Variants in AFG3L2 observed in about 807,000 individuals in gnomAD.
The protein encoded by AFG3L2 is mitochondrial inner membrane m-AAA protease component AFG3L2.
In AFG3L2, 54 loss-of-function variants were observed where a neutral mutation model predicts 94.5. The ratio of observed to expected loss-of-function variants is 0.57; its 90% confidence interval spans 0.46 to 0.72. AFG3L2 has a LOEUF of 0.72. Ranked by LOEUF, AFG3L2 falls within the 30% of genes least tolerant of loss-of-function variation. The probability of loss-of-function intolerance (pLI) is 0.00; values close to 1 mark genes in which losing one functional copy is unlikely to be tolerated. For synonymous variants in AFG3L2, 377 were observed against 365.5 expected (o/e 1.03, Z -0.36); for missense variants, 754 against 994.9 (o/e 0.76, Z 3.26).
chr18:12,334,329 G>A (rs1448638344), intron 16 of AFG3L2, among the ~76,000 whole-genome samples: 2 of 152,190 alleles, frequency 1.3e-5, no homozygotes, highest in East Asian at 3.9e-4. Flanking sequence ...TGAGTCGTGT[G>A]AGTACAGACA....
chr18:12,333,291 TATAA>T (rs1393824389), intron 16 of AFG3L2, among the ~76,000 whole-genome samples: 1 of 130,620 alleles, frequency 7.7e-6, no homozygotes, highest in South Asian at 2.2e-4. Flanking sequence ...ATATATAATA[TATAA>T]ATATATATTA....
intron 9 of AFG3L2, among the ~76,000 whole-genome samples, chr18:12,355,673 ATT>A (rs71369929): frequency 2.7e-5 from 4 of 145,466 alleles, no homozygotes; most frequent in South Asian, 2.2e-4. Context: ...CGATTTACAT[ATT>A]TTTTTTTTTT....
intron 3 of AFG3L2, among the ~76,000 whole-genome samples, chr18:12,368,423 C>T (rs1203145653): frequency 6.6e-6 from 1 of 152,164 alleles, no homozygotes; most frequent in East Asian, 1.9e-4. Context: ...ACAAAGTATA[C>T]ATTGTTAACA....
intron 16 of AFG3L2, chr18:12,337,137 C>G (rs974694892): frequency 2.7e-5 from 17 of 630,756 alleles, no homozygotes; most frequent in Admixed American, 5.1e-5. Context: ...GCCACAGGAG[C>G]CGGGACAGTG....
At chr18:12,336,541 A>G (rs1907748347) in intron 16 of AFG3L2, among the ~76,000 whole-genome samples, 2 of 151,506 alleles carry the variant, frequency 1.3e-5, no homozygotes, top group African/African-American at 4.9e-5. Context: ...TAATAATAAA[A>G]CTCCAGGCTG....
At position 12,373,501 on chromosome 18, in the gene AFG3L2, C is replaced by A. The variant is rs181794621; in HGVS notation, c.115-1810G>T. ...AAACAAAAGCTCTGAGTACAGGGAACAGGAGTGGTGCAGAGGTAATATGAA... is the reference window on the plus strand; with the variant it reads ...AAACAAAAGCTCTGAGTACAGGGAAAAGGAGTGGTGCAGAGGTAATATGAA... On this transcript the variant is annotated intron_variant, in intron 1 of 16. Transcript: ENST00000269143. Among the ~76,000 whole-genome samples, 238 of 152,284 alleles carry A rather than the reference C, an allele frequency of 1.6e-3. 1 individual carries two copies. The highest frequency in any genetic ancestry group is 2.4e-3 in the Non-Finnish European group (166 of 68,024).
At chr18:12,347,698 G>A (rs1398759155) in intron 13 of AFG3L2, among the ~76,000 whole-genome samples, 4 of 151,852 alleles carry the variant, frequency 2.6e-5, no homozygotes, top group East Asian at 1.9e-4. Flanking sequence ...CTTCAAGTAC[G>A]AGCCACCATG....
intron 5 of AFG3L2, among the ~76,000 whole-genome samples, chr18:12,364,890 G>C (rs977150203): frequency 6.6e-6 from 1 of 151,746 alleles, no homozygotes; most frequent in Non-Finnish European, 1.5e-5. Flanking sequence ...GGCTGGTCTC[G>C]AACTCCTAGA....
intron 16 of AFG3L2, among the ~76,000 whole-genome samples, chr18:12,331,813 ATATATATATATATATATATAT>A (rs1907538586): frequency 6.6e-4 from 2 of 3,034 alleles, no homozygotes; most frequent in African/African-American, 9.0e-4. Flanking sequence ...AAATAAATAT[ATATATATATATATATATATAT>A]ATATATATAT....
chr18:12,370,810 G>C, intron 3 of AFG3L2, 39 bp downstream of exon 3: 1 of 1,373,808 alleles, frequency 7.3e-7, no homozygotes, highest in Non-Finnish European at 1.0e-6. Context: ...TACATGAGGG[G>C]AAAACACAAA....
At chr18:12,359,724 A>T (rs1187381860) in intron 7 of AFG3L2, among the ~76,000 whole-genome samples, 2 of 152,184 alleles carry the variant, frequency 1.3e-5, no homozygotes, top group African/African-American at 2.4e-5. Context: ...CCTGGGCGAC[A>T]GAGCGAAACC....
chr18:12,355,843 T>C (rs1029326794), intron 9 of AFG3L2, among the ~76,000 whole-genome samples: 14 of 151,706 alleles, frequency 9.2e-5, no homozygotes, highest in Admixed American at 7.9e-4. Context: ...TAATTTTGGT[T>C]TTGTTTTTTT....
intron 9 of AFG3L2, among the ~76,000 whole-genome samples, chr18:12,354,354 G>A (rs778729963): frequency 6.6e-6 from 1 of 152,052 alleles, no homozygotes; most frequent in Non-Finnish European, 1.5e-5. Flanking sequence ...CAAGCCTTAA[G>A]CAGGAGTCTG....
At position 12,368,350 on chromosome 18, in the gene AFG3L2, T is replaced by C. The variant is rs368967392; in HGVS notation, c.293-968A>G. On this transcript the variant is annotated intron_variant, in intron 3 of 16. Transcript: ENST00000269143. ...CTCCAGCCTGGGCAACAGGAAGACC[T>C]TATCTCAAAAACAACAGCAACAACA... 1.1e-3 allele frequency among the ~76,000 whole-genome samples: 174 copies of C among 152,052 alleles called. 1 individual carries two copies. Among genetic ancestry groups the C allele is most frequent in the African/African-American group, 4.0e-3 (168 of 41,494 alleles).
chr18:12,370,962 C>T (rs747254112), intron 2 of AFG3L2, 36 bp from the exon 3 acceptor site: 6 of 1,283,798 alleles, frequency 4.7e-6, no homozygotes, highest in African/African-American at 1.5e-5. Context: ...TATCTTCAAA[C>T]TAAAATTCAT....
intron 12 of AFG3L2, among the ~76,000 whole-genome samples, chr18:12,348,617 T>C (rs1204720757): frequency 6.6e-6 from 1 of 152,216 alleles, no homozygotes; most frequent in African/African-American, 2.4e-5. Flanking sequence ...TAGTAGTCAA[T>C]AGATAATTAC....
intron 3 of AFG3L2, among the ~76,000 whole-genome samples, chr18:12,368,898 G>A (rs1043153204): frequency 2.6e-5 from 4 of 152,054 alleles, no homozygotes; most frequent in African/African-American, 7.2e-5. Context: ...CACCGCACCC[G>A]GACCGAATAC....
chr18:12,348,530 C>A (rs1908217027), intron 12 of AFG3L2, 147 bp from the exon 13 acceptor site: 5 of 705,538 alleles, frequency 7.1e-6, no homozygotes, highest in Admixed American at 2.1e-5. Flanking sequence ...TGTTTTGACT[C>A]ATGATAACCC....
At chr18:12,358,621 TCA>T in intron 8 of AFG3L2, 47 bp downstream of exon 8, 1 of 1,573,752 alleles carries the variant, frequency 6.4e-7, no homozygotes, top group Non-Finnish European at 8.7e-7. Flanking sequence ...AATTATAACT[TCA>T]GAGATCAAGA....
Sources: allele counts gnomAD v4.1 joint callset (sites outside exome capture counted in the v4.1 genomes callset), GRCh38; gene constraint gnomAD v4.1.1; transcripts MANE v1.5; gene names NCBI Gene and HGNC (gene_info 2026-07-23, HGNC 2026-07-21).